Variants in MIAT observed in about 807,000 individuals in gnomAD.
MIAT encodes the protein MI related novel mRNA.
intron 2 of MIAT, among the ~76,000 whole-genome samples, chr22:26,647,579 G>T (rs1220185446): frequency 6.6e-6 from 1 of 152,176 alleles, no homozygotes; most frequent in Non-Finnish European, 1.5e-5. Flanking sequence ...TGTGCCTGGG[G>T]TGGGAGCGTG....
intron 2 of MIAT, among the ~76,000 whole-genome samples, chr22:26,652,275 G>A (rs555111066): frequency 1.3e-5 from 2 of 152,294 alleles, no homozygotes; most frequent in African/African-American, 4.8e-5. Flanking sequence ...ACCTGACAAA[G>A]CGTTGGAATT....
chr22:26,671,351 G>A, downstream of MIAT: 1 of 398,908 alleles, frequency 2.5e-6, no homozygotes. Flanking sequence ...TCCCTGGCTG[G>A]TGGGGGCGGG....
chr22:26,650,456 A>T (rs758919183), intron 2 of MIAT: 1 of 152,274 alleles, frequency 6.6e-6, no homozygotes, highest in Non-Finnish European at 1.5e-5. Flanking sequence ...CTGTCTCCCT[A>T]ACCTGCTCCC....
chr22:26,656,543 CT>C (rs1331741275), intron 2 of MIAT, among the ~76,000 whole-genome samples: 1 of 151,932 alleles, frequency 6.6e-6, no homozygotes, highest in Admixed American at 6.6e-5. Context: ...GTCTTGAACT[CT>C]TGACCTCAGG....
At chr22:26,667,353 T>TGTGC (rs1491414770) in intron 5 of MIAT, 729 of 395,882 alleles carry the variant, frequency 1.8e-3, no homozygotes, top group Non-Finnish European at 2.8e-3. Flanking sequence ...TGTGTGTGTG[T>TGTGC]GCGTGTGCAC....
chr22:26,675,991 G>A (rs938764545), exon 5 of MIAT: 10 of 398,538 alleles, frequency 2.5e-5, no homozygotes, highest in Non-Finnish European at 4.0e-5. Context: ...AGCCCAAGCA[G>A]GCACATTCTC....
chr22:26,664,940 A>C (rs1057360582), intron 3 of MIAT, among the ~76,000 whole-genome samples: 2 of 152,226 alleles, frequency 1.3e-5, no homozygotes, highest in African/African-American at 4.8e-5. Context: ...CTAAGCTTTG[A>C]AAATCATTAA....
intron 2 of MIAT, among the ~76,000 whole-genome samples, chr22:26,656,615 G>GCCT (rs1401683568): frequency 6.6e-6 from 1 of 152,188 alleles, no homozygotes; most frequent in African/African-American, 2.4e-5. Flanking sequence ...GCCGCGCCTG[G>GCCT]CCTCGAATTG....
chr22:26,655,354 A>C (rs371336926), intron 2 of MIAT, among the ~76,000 whole-genome samples: 1 of 152,234 alleles, frequency 6.6e-6, no homozygotes, highest in Non-Finnish European at 1.5e-5. Context: ...CTAAAAGGAC[A>C]GGCTTAAATC....
intron 3 of MIAT, among the ~76,000 whole-genome samples, chr22:26,664,005 CT>C (rs202155948): frequency 1.7e-3 from 198 of 116,194 alleles, no homozygotes; most frequent in African/African-American, 6.3e-3. Context: ...CTGTGTTCAG[CT>C]TTTTTTTTTT....
At chr22:26,667,333 AGTGTGTGT>A (rs61442362) in intron 5 of MIAT, 38 of 389,110 alleles carry the variant, frequency 9.8e-5, no homozygotes, top group Middle Eastern at 6.3e-4. Context: ...TCCTGGGAGC[AGTGTGTGT>A]GTGTGTGTGT....
chr22:26,659,271 C>T (rs1930570109), intron 2 of MIAT, among the ~76,000 whole-genome samples: 1 of 152,136 alleles, frequency 6.6e-6, no homozygotes, highest in South Asian at 2.1e-4. Flanking sequence ...TTGCCAGCTC[C>T]TAGCTTTGTG....
downstream of MIAT, chr22:26,673,721 C>G: frequency 2.5e-6 from 1 of 398,650 alleles, no homozygotes. Flanking sequence ...AAAAGCATAG[C>G]TAACAATTTT....
At chr22:26,670,190 T>C (rs1169070306), downstream of MIAT, 1 of 398,358 alleles carries the variant, frequency 2.5e-6, no homozygotes, top group East Asian at 3.6e-5. Context: ...CAGCATTTCA[T>C]GGCCTCCGTA....
At chr22:26,670,024 T>A (rs1930986751), downstream of MIAT, 1 of 398,198 alleles carries the variant, frequency 2.5e-6, no homozygotes, top group Admixed American at 4.4e-5. Flanking sequence ...AATGCTCCCA[T>A]CCATCTGGGA....
chr22:26,669,262 C>CT, exon 6 of MIAT: 1 of 398,672 alleles, frequency 2.5e-6, no homozygotes, highest in Non-Finnish European at 4.4e-6. Context: ...TATTCATCAG[C>CT]TTGGGCTGCC....
At chr22:26,656,541 C>T (rs1930461589) in intron 2 of MIAT, among the ~76,000 whole-genome samples, 1 of 152,004 alleles carries the variant, frequency 6.6e-6, no homozygotes, top group South Asian at 2.1e-4. Flanking sequence ...TGGTCTTGAA[C>T]TCTTGACCTC....
intron 2 of MIAT, among the ~76,000 whole-genome samples, chr22:26,653,306 C>T (rs569828492): frequency 1.1e-4 from 16 of 152,218 alleles, no homozygotes; most frequent in African/African-American, 4.8e-5. Context: ...TCCACTCCTT[C>T]CTTGCGTTAC....
chr22:26,651,421 A>G (rs1930334262), intron 2 of MIAT, among the ~76,000 whole-genome samples: 1 of 152,176 alleles, frequency 6.6e-6, no homozygotes, highest in Admixed American at 6.5e-5. Context: ...GGCCCGGCAG[A>G]GAAGTGGAGC....
Sources: gnomAD v4.1 joint callset for allele counts (sites outside exome capture counted in the v4.1 genomes callset) on GRCh38, gnomAD v4.1.1 for gene constraint, MANE v1.5 for transcripts, NCBI Gene and HGNC (gene_info 2026-07-23, HGNC 2026-07-21) for gene names.